The following TNRC6A variants were observed in gnomAD, a reference collection of about 807,000 sequenced individuals.
TNRC6A encodes trinucleotide repeat containing adaptor 6A, also known as trinucleotide repeat-containing gene 6A protein.
Under a neutral mutation model 221.2 loss-of-function variants are expected in TNRC6A, and 44 were observed. The observed-to-expected ratio is 0.20, with a 90% CI of 0.16 to 0.26. The LOEUF (loss-of-function observed/expected upper bound fraction) is 0.26, where lower values mean the gene tolerates loss of function less well. Ranked by LOEUF, TNRC6A falls within the 10% of genes least tolerant of loss-of-function variation. TNRC6A has a pLI of 1.00. For missense variants in TNRC6A, 2,199 were observed against 2,404.4 expected, an observed-to-expected ratio of 0.91 and a Z score of 1.79; for synonymous variants, 847 against 838.5, an observed-to-expected ratio of 1.01 and a Z score of -0.18.
chr16:24,764,422 G>A (rs1032081995), intron 4 of TNRC6A, among the ~76,000 whole-genome samples: 1 of 151,820 alleles, frequency 6.6e-6, no homozygotes, highest in Non-Finnish European at 1.5e-5. Flanking sequence ...CACTTGCCGG[G>A]TTCAAATGAT....
intron 2 of TNRC6A, among the ~76,000 whole-genome samples, chr16:24,684,676 G>A (rs1373711885): frequency 1.3e-5 from 2 of 151,726 alleles, no homozygotes; most frequent in Non-Finnish European, 2.9e-5. Flanking sequence ...TGAAGTGACA[G>A]TTGTCTTTAG....
At chr16:24,655,563 T>C (rs760515929) in intron 2 of TNRC6A, among the ~76,000 whole-genome samples, 4 of 151,400 alleles carry the variant, frequency 2.6e-5, no homozygotes, top group Non-Finnish European at 5.9e-5. Flanking sequence ...GTGGCACATG[T>C]CTGTAATCCC....
At chr16:24,708,245 T>TTC (rs112297163) in intron 2 of TNRC6A, among the ~76,000 whole-genome samples, 11,540 of 68,622 alleles carry the variant, frequency 0.17, 1,113 homozygotes, top group East Asian at 0.55. Context: ...CATGGATGAG[T>TTC]TTTTTTTTTT....
rs560651472 is a variant in TNRC6A, at chr16:24,679,568, C to A, written n.402+38559C>A. Among the ~76,000 whole-genome samples, 35 of 152,196 alleles carry A rather than the reference C, an allele frequency of 2.3e-4. No homozygotes were observed. In the East Asian group the frequency reaches 6.4e-3, roughly 28 times the overall value. On this transcript the variant is annotated intron_variant and non_coding_transcript_variant, in intron 2 of 2. Coordinates refer to the TNRC6A transcript ENST00000566108. ...CTCAGCTCACTGCAACCTCTGCCTC[C>A]TGAGTTCTAGCAATTCTCCAGCCTC...
intron 17 of TNRC6A, among the ~76,000 whole-genome samples, chr16:24,807,372 A>T (rs1438843499): frequency 6.6e-6 from 1 of 152,174 alleles, no homozygotes; most frequent in Non-Finnish European, 1.5e-5. Context: ...GAAACATTTC[A>T]CTTTTTAAAG....
intron 2 of TNRC6A, among the ~76,000 whole-genome samples, chr16:24,721,997 T>C (rs574623093): frequency 7.2e-5 from 11 of 152,172 alleles, no homozygotes; most frequent in Non-Finnish European, 1.5e-4. Flanking sequence ...GGTAGGTGTC[T>C]GTGGGAGGAC....
chr16:24,757,181 C>T (rs2057269930), intron 3 of TNRC6A, among the ~76,000 whole-genome samples: 1 of 151,940 alleles, frequency 6.6e-6, no homozygotes, highest in Non-Finnish European at 1.5e-5. Flanking sequence ...AGATGAGCCT[C>T]CATTATTTTG....
At chr16:24,798,019 A>G (rs2058255863) in intron 11 of TNRC6A, 53 bp downstream of exon 11, 2 of 1,508,474 alleles carry the variant, frequency 1.3e-6, no homozygotes, top group Non-Finnish European at 1.8e-6. Context: ...ACGCACATCC[A>G]TGACATGATT....
intron 2 of TNRC6A, among the ~76,000 whole-genome samples, chr16:24,747,260 A>G (rs187533118): frequency 6.6e-6 from 1 of 152,322 alleles, no homozygotes; most frequent in East Asian, 1.9e-4. Context: ...GTTAGAAAAC[A>G]TTTCCATTTT....
At chr16:24,809,248 G>A in intron 17 of TNRC6A, 102 bp from the exon 18 acceptor site, 1 of 1,083,298 alleles carries the variant, frequency 9.2e-7, no homozygotes, top group Non-Finnish European at 1.2e-6. Flanking sequence ...TATGTGGTTT[G>A]AAAACATTAG....
chr16:24,768,715 T>G (rs1179979679), intron 4 of TNRC6A, among the ~76,000 whole-genome samples: 2 of 152,246 alleles, frequency 1.3e-5, no homozygotes, highest in Non-Finnish European at 2.9e-5. Context: ...GAGGTCAACT[T>G]AGCACTCCAG....
intron 6 of TNRC6A, among the ~76,000 whole-genome samples, chr16:24,793,059 G>A (rs1296136703): frequency 6.6e-6 from 1 of 152,094 alleles, no homozygotes; most frequent in African/African-American, 2.4e-5. Context: ...AAAGTGCTGG[G>A]ATTACAGGCA....
chr16:24,752,780 TTGGCAAGCATC>T (rs1305378826), intron 3 of TNRC6A, among the ~76,000 whole-genome samples: 1 of 152,184 alleles, frequency 6.6e-6, no homozygotes, highest in African/African-American at 2.4e-5. Context: ...ATTCAGTAGT[TTGGCAAGCATC>T]TGAGTGTTGA....
intron 2 of TNRC6A, among the ~76,000 whole-genome samples, chr16:24,658,446 C>G (rs2054962499): frequency 6.6e-6 from 1 of 152,200 alleles, no homozygotes; most frequent in Admixed American, 6.5e-5. Flanking sequence ...ACTGCAACCT[C>G]TGCCTTCCCA....
intron 2 of TNRC6A, among the ~76,000 whole-genome samples, chr16:24,723,078 C>T (rs1170912818): frequency 6.6e-6 from 1 of 152,098 alleles, no homozygotes; most frequent in East Asian, 1.9e-4. Context: ...GCCTGAAATA[C>T]CCAGGAGATA....
chr16:24,635,435 A>G (rs1901588238), intron 1 of TNRC6A, among the ~76,000 whole-genome samples: 1 of 151,838 alleles, frequency 6.6e-6, no homozygotes, highest in Non-Finnish European at 1.5e-5. Context: ...GGAGCCCACC[A>G]CCACGCCCAG....
intron 2 of TNRC6A, among the ~76,000 whole-genome samples, chr16:24,749,293 G>C (rs1213638035): frequency 1.3e-5 from 2 of 152,160 alleles, no homozygotes; most frequent in Non-Finnish European, 2.9e-5. Context: ...GTGTTGATTG[G>C]CAAGCTTTAC....
intron 11 of TNRC6A, chr16:24,803,441 G>A (rs957268242): frequency 6.6e-6 from 1 of 151,552 alleles, no homozygotes; most frequent in Admixed American, 6.6e-5. Flanking sequence ...AAAAGAAAAA[G>A]CACTTATAAT....
At chr16:24,742,510 C>T (rs548034813) in intron 2 of TNRC6A, among the ~76,000 whole-genome samples, 7 of 152,268 alleles carry the variant, frequency 4.6e-5, no homozygotes, top group African/African-American at 1.7e-4. Context: ...GGCAAGGAAG[C>T]AGGAATTGGA....
Sources: gnomAD v4.1 joint callset for allele counts (sites outside exome capture counted in the v4.1 genomes callset) on GRCh38, gnomAD v4.1.1 for gene constraint, MANE v1.5 for transcripts, NCBI Gene and HGNC (gene_info 2026-07-23, HGNC 2026-07-21) for gene names.